Variants in LRRFIP1 observed in about 807,000 individuals in gnomAD.
LRRFIP1 encodes leucine-rich repeat flightless-interacting protein 1.
A neutral mutation model predicts 104.4 loss-of-function variants in LRRFIP1; 62 were observed. The observed-to-expected ratio is 0.59, with a 90% CI of 0.48 to 0.73. LRRFIP1 has a LOEUF of 0.73. Ranked by LOEUF, LRRFIP1 falls within the 30% of genes least tolerant of loss-of-function variation. The pLI is 0.00. For synonymous variants in LRRFIP1, 300 were observed against 299.0 expected (o/e 1.00, Z -0.03); for missense variants, 796 against 824.5 (o/e 0.97, Z 0.42).
chr2:237,761,085 T>C (rs2059809980), intron 19 of LRRFIP1, among the ~76,000 whole-genome samples: 1 of 152,226 alleles, frequency 6.6e-6, no homozygotes, highest in African/African-American at 2.4e-5. Context: ...CTTTTCATTT[T>C]AATGTAGAAG....
chr2:237,668,799 T>G (rs548783973), intron 1 of LRRFIP1, among the ~76,000 whole-genome samples: 19 of 152,268 alleles, frequency 1.2e-4, no homozygotes, highest in African/African-American at 4.3e-4. Flanking sequence ...AAGAAAATAT[T>G]TATTATATTA....
At chr2:237,699,889 G>GC in intron 1 of LRRFIP1, among the ~76,000 whole-genome samples, 1 of 152,334 alleles carries the variant, frequency 6.6e-6, no homozygotes, top group East Asian at 1.9e-4. Context: ...GGTAACGATC[G>GC]TTCTCACAGT....
chr2:237,749,532 C>G lies in LRRFIP1; in HGVS notation c.795+208C>G, dbSNP rs537953494. 2.0e-5 allele frequency among the ~76,000 whole-genome samples: 3 copies of G among 152,268 alleles called. No individual in the cohort carries two copies. The East Asian group carries it at 5.8e-4, about 29-fold the overall frequency. On this transcript the variant is annotated intron_variant, in intron 13 of 23. Transcript: ENST00000308482. The stretch of plus-strand genomic sequence containing the variant: ...CAGGAATCTGATCCTACCCACTGAC[C>G]CCCCAGCAGGGCGGACCGTGTGCCG...
At chr2:237,760,389 A>G (rs907284413) in intron 19 of LRRFIP1, among the ~76,000 whole-genome samples, 184 bp downstream of exon 19, 12 of 152,238 alleles carry the variant, frequency 7.9e-5, no homozygotes, top group African/African-American at 2.9e-4. Flanking sequence ...GTTGTCTGGC[A>G]TGCATCTCTG....
At chr2:237,640,859 C>T (rs988403899) in intron 1 of LRRFIP1, among the ~76,000 whole-genome samples, 23 of 152,152 alleles carry the variant, frequency 1.5e-4, no homozygotes, top group African/African-American at 5.6e-4. Flanking sequence ...TATCCAAAGA[C>T]TCCCCCTTCC....
At chr2:237,650,346 G>A (rs1221627368) in intron 1 of LRRFIP1, among the ~76,000 whole-genome samples, 1 of 151,944 alleles carries the variant, frequency 6.6e-6, no homozygotes, top group East Asian at 1.9e-4. Context: ...AGGGGAGACA[G>A]CTGGGGGCGA....
intron 1 of LRRFIP1, among the ~76,000 whole-genome samples, chr2:237,667,863 G>C (rs1042947532): frequency 1.3e-5 from 2 of 152,046 alleles, no homozygotes; most frequent in Admixed American, 6.5e-5. Context: ...CTCAGGCTCC[G>C]TCAGCCTCTC....
At chr2:237,673,490 G>A (rs922500091) in intron 1 of LRRFIP1, among the ~76,000 whole-genome samples, 2 of 152,206 alleles carry the variant, frequency 1.3e-5, no homozygotes, top group Non-Finnish European at 2.9e-5. Flanking sequence ...ATCCAGTGCC[G>A]CGCGTGGCGT....
At chr2:237,632,170 G>T (rs1417464209) in intron 1 of LRRFIP1, among the ~76,000 whole-genome samples, 3 of 150,448 alleles carry the variant, frequency 2.0e-5, no homozygotes, top group Non-Finnish European at 3.0e-5. Context: ...GGGTCACACT[G>T]CCCCCAAGGA....
intron 19 of LRRFIP1, among the ~76,000 whole-genome samples, chr2:237,767,437 A>G (rs552751089): frequency 2.0e-5 from 3 of 152,346 alleles, no homozygotes; most frequent in Non-Finnish European, 2.9e-5. Context: ...AAACCAGAAC[A>G]TAGCTCCCGT....
chr2:237,740,686 C>T (rs1046611301), intron 11 of LRRFIP1, among the ~76,000 whole-genome samples: 3 of 152,118 alleles, frequency 2.0e-5, no homozygotes, highest in African/African-American at 7.2e-5. Context: ...CTACCTCGCA[C>T]CTGATACCTG....
intron 1 of LRRFIP1, among the ~76,000 whole-genome samples, chr2:237,671,848 ATG>A (rs1340903799): frequency 2.0e-5 from 3 of 148,798 alleles, no homozygotes; most frequent in African/African-American, 5.0e-5. Context: ...GCCTGCATGC[ATG>A]TGTGTGTCTG....
At position 237,758,726 on chromosome 2, in the gene LRRFIP1, C is replaced by T; in HGVS notation, c.1225-3C>T. 6.2e-7 allele frequency: 1 copy of T among 1,605,360 alleles called. No individual in the cohort carries two copies. The highest frequency in any genetic ancestry group is 8.5e-7 in the Non-Finnish European group (1 of 1,173,898). On this transcript the variant is annotated splice_polypyrimidine_tract_variant and splice_region_variant and intron_variant, in intron 17 of 23. Transcript: ENST00000308482. ...CTTTCTCTTGGCTCTGCTGCACACT[C>T]AGGCATTAGAGAGGCAGAAAGAGTT...
rs2091714115 is a variant in LRRFIP1, at chr2:237,680,719, T to C, written c.97-27825T>C. ...GACTCTAGGCCAGCGTGGTGACACA[T>C]GCCTGTAATCCCAGCGCTTTGGGAG... On this transcript the variant is annotated intron_variant, in intron 1 of 23. Transcript: ENST00000308482. 2.0e-5 allele frequency among the ~76,000 whole-genome samples: 3 copies of C among 152,200 alleles called. No homozygotes were observed. The South Asian group carries it at 6.2e-4, about 32-fold the overall frequency.
At chr2:237,776,828 G>A (rs953224929) in intron 23 of LRRFIP1, among the ~76,000 whole-genome samples, 8 of 152,044 alleles carry the variant, frequency 5.3e-5, no homozygotes, top group African/African-American at 1.9e-4. Context: ...GCTAGGTGGC[G>A]GTGGCTCTTA....
At chr2:237,723,465 TTA>T (rs752853390) in intron 6 of LRRFIP1, 81 bp from the exon 7 acceptor site, 10 of 1,348,166 alleles carry the variant, frequency 7.4e-6, no homozygotes, top group Non-Finnish European at 9.5e-6. Context: ...TTGCTTGTAT[TTA>T]TGTTTTACTT....
At chr2:237,726,046 C>A (rs2094736145) in intron 7 of LRRFIP1, among the ~76,000 whole-genome samples, 1 of 152,174 alleles carries the variant, frequency 6.6e-6, no homozygotes, top group Non-Finnish European at 1.5e-5. Context: ...GGATTGAGAT[C>A]TAAAATTTGC....
intron 1 of LRRFIP1, among the ~76,000 whole-genome samples, chr2:237,687,154 C>T (rs1267043415): frequency 6.6e-6 from 1 of 152,224 alleles, no homozygotes; most frequent in Non-Finnish European, 1.5e-5. Flanking sequence ...AACCTAGCTT[C>T]GCTCTTCCAA....
intron 8 of LRRFIP1, among the ~76,000 whole-genome samples, chr2:237,732,441 C>G (rs920723224): frequency 3.3e-5 from 5 of 152,216 alleles, no homozygotes; most frequent in Non-Finnish European, 7.3e-5. Flanking sequence ...CTTTGTCGCT[C>G]CTTCCCTTTC....
Sources: allele counts gnomAD v4.1 joint callset (sites outside exome capture counted in the v4.1 genomes callset), GRCh38; gene constraint gnomAD v4.1.1; transcripts MANE v1.5; gene names NCBI Gene and HGNC (gene_info 2026-07-23, HGNC 2026-07-21).